The following YAP1 variants were observed in gnomAD, a reference collection of about 807,000 sequenced individuals.
YAP1 encodes Yes1 associated transcriptional regulator.
YAP1 carries 5 observed loss-of-function variants against 56.9 expected under a neutral mutation model. The observed-to-expected ratio is 0.09, with a 90% CI of 0.05 to 0.18. YAP1 has a LOEUF of 0.18. Among genes scored for constraint, YAP1 ranks in the 10% least tolerant of loss-of-function variants. The probability of loss-of-function intolerance (pLI) is 1.00; values close to 1 mark genes in which losing one functional copy is unlikely to be tolerated. For missense variants in YAP1, 539 were observed against 651.8 expected (o/e 0.83, Z 1.88); for synonymous variants, 265 against 248.1 (o/e 1.07, Z -0.64).
chr11:102,209,915 T>C (rs1318963719), intron 6 of YAP1, among the ~76,000 whole-genome samples: 1 of 152,200 alleles, frequency 6.6e-6, no homozygotes, highest in Non-Finnish European at 1.5e-5. Flanking sequence ...TTTAAAGGAA[T>C]TAATAAATTG....
intron 2 of YAP1, among the ~76,000 whole-genome samples, chr11:102,155,164 T>C (rs1945869501): frequency 6.6e-6 from 1 of 152,154 alleles, no homozygotes. Flanking sequence ...TCTTTTCTGA[T>C]TGTGGAAGGC....
At chr11:102,153,118 C>T (rs1235527626) in intron 2 of YAP1, among the ~76,000 whole-genome samples, 1 of 152,210 alleles carries the variant, frequency 6.6e-6, no homozygotes, top group African/African-American at 2.4e-5. Context: ...TTTTCCTTTT[C>T]TCTTAGATTT....
chr11:102,204,409 C>T (rs909374517), intron 4 of YAP1, among the ~76,000 whole-genome samples: 4 of 151,920 alleles, frequency 2.6e-5, no homozygotes, highest in African/African-American at 7.3e-5. Flanking sequence ...TAGATGACTA[C>T]GATATGACCC....
At chr11:102,214,046 C>T (rs532681609) in intron 6 of YAP1, among the ~76,000 whole-genome samples, 27 of 152,278 alleles carry the variant, frequency 1.8e-4, no homozygotes, top group Non-Finnish European at 3.7e-4. Context: ...CACTACACTC[C>T]AGCCTGGGTG....
chr11:102,162,626 A>C (rs1056276876), intron 3 of YAP1, 55 bp downstream of exon 3: 1 of 1,538,728 alleles, frequency 6.5e-7, no homozygotes, highest in Non-Finnish European at 9.0e-7. Flanking sequence ...CATTGGTAAA[A>C]GTTGATGTGG....
At chr11:102,172,940 A>G (rs1460265268) in intron 3 of YAP1, among the ~76,000 whole-genome samples, 3 of 152,172 alleles carry the variant, frequency 2.0e-5, no homozygotes, top group Non-Finnish European at 4.4e-5. Flanking sequence ...GGGAACAGCA[A>G]AAAGGCCACT....
chr11:102,162,583 A>ACT lies in YAP1; in HGVS notation c.688+13_688+14dup. ...GAACTCGGCTTCAGGTGAGTGAGAC[A>ACT]CTGTAATTACAGCACATGGAGTAAT... is the stretch of plus-strand genomic sequence containing the variant. On this transcript the variant is annotated intron_variant, in intron 3 of 8. Coordinates refer to ENST00000282441, the MANE Select transcript of YAP1 (RefSeq NM_001130145.3). The ACT allele has an allele frequency of 6.2e-7, 1 of 1,609,546 alleles. No homozygotes were observed. Among genetic ancestry groups the ACT allele is most frequent in the Non-Finnish European group, 8.5e-7 (1 of 1,175,764 alleles).
At chr11:102,147,188 TA>T in intron 2 of YAP1, among the ~76,000 whole-genome samples, 1 of 152,354 alleles carries the variant, frequency 6.6e-6, no homozygotes, top group East Asian at 1.9e-4. Flanking sequence ...TGTTATATAC[TA>T]AAATGTATTT....
intron 3 of YAP1, among the ~76,000 whole-genome samples, chr11:102,182,988 A>G (rs1947716594): frequency 6.6e-6 from 1 of 152,252 alleles, no homozygotes; most frequent in Non-Finnish European, 1.5e-5. Context: ...TGATTCTTCC[A>G]TCAAACATTT....
intron 2 of YAP1, among the ~76,000 whole-genome samples, chr11:102,144,175 T>C (rs1011772273): frequency 2.0e-5 from 3 of 152,176 alleles, no homozygotes; most frequent in Non-Finnish European, 4.4e-5. Context: ...CAATGTTTAA[T>C]GAAAAGTGAA....
chr11:102,218,938 A>C (rs1159350525), intron 6 of YAP1, among the ~76,000 whole-genome samples: 1 of 152,232 alleles, frequency 6.6e-6, no homozygotes, highest in Non-Finnish European at 1.5e-5. Context: ...TAGTCTGCAC[A>C]TGATACTAGT....
At chr11:102,142,494 C>T (rs1021314901) in intron 2 of YAP1, among the ~76,000 whole-genome samples, 2 of 152,206 alleles carry the variant, frequency 1.3e-5, no homozygotes, top group African/African-American at 4.8e-5. Flanking sequence ...GAGGCAGTCA[C>T]CATTCCTGAG....
intron 2 of YAP1, among the ~76,000 whole-genome samples, chr11:102,139,194 G>A (rs1441600984): frequency 6.6e-6 from 1 of 150,654 alleles, no homozygotes; most frequent in African/African-American, 2.4e-5. Context: ...TGAGTAACAT[G>A]ATTAGCAGGA....
chr11:102,175,057 A>G (rs1947156378), intron 3 of YAP1, among the ~76,000 whole-genome samples: 1 of 152,142 alleles, frequency 6.6e-6, no homozygotes, highest in Non-Finnish European at 1.5e-5. Context: ...ACATGGGTGA[A>G]CCTGAACTCA....
intron 2 of YAP1, among the ~76,000 whole-genome samples, chr11:102,160,744 C>G (rs1197239025): frequency 6.6e-6 from 1 of 152,174 alleles, no homozygotes; most frequent in African/African-American, 2.4e-5. Flanking sequence ...CTTTCACCAG[C>G]CAATGAAGTT....
chr11:102,117,951 C>G (rs985927675), intron 2 of YAP1, among the ~76,000 whole-genome samples: 1 of 152,136 alleles, frequency 6.6e-6, no homozygotes, highest in Non-Finnish European at 1.5e-5. Flanking sequence ...TCAACAACTT[C>G]CTATTTCTTT....
rs535199877 is a variant in YAP1 at position 102,152,200 on chromosome 11, A to G, written c.573-10256A>G. 3.3e-5 allele frequency among the ~76,000 whole-genome samples: 5 copies of G among 152,336 alleles called. No individual in the cohort carries two copies. The South Asian group carries it at 1.0e-3, about 32-fold the overall frequency. ...GCCTGGATAAGTGAACTATTATTGT[A>G]TTCAATCTGGTTCACATATAGTCTT... On this transcript the variant is annotated intron_variant, in intron 2 of 8. Coordinates refer to ENST00000282441, the MANE Select transcript of YAP1 (RefSeq NM_001130145.3).
chr11:102,200,428 T>C (rs556795447), intron 4 of YAP1, among the ~76,000 whole-genome samples: 27 of 151,094 alleles, frequency 1.8e-4, no homozygotes, highest in Non-Finnish European at 3.7e-4. Context: ...ATTGACAAAT[T>C]TGAGTAAAGA....
intron 2 of YAP1, among the ~76,000 whole-genome samples, chr11:102,157,563 C>T (rs1737912895): frequency 6.6e-6 from 1 of 152,098 alleles, no homozygotes; most frequent in Non-Finnish European, 1.5e-5. Context: ...TTGTATTATT[C>T]CTGGTTTTCC....
Sources: gnomAD v4.1 joint callset for allele counts (sites outside exome capture counted in the v4.1 genomes callset) on GRCh38, gnomAD v4.1.1 for gene constraint, MANE v1.5 for transcripts, NCBI Gene and HGNC (gene_info 2026-07-23, HGNC 2026-07-21) for gene names.